Variants in DOCK10 observed in about 807,000 individuals in gnomAD.
The protein encoded by DOCK10 is dedicator of cytokinesis 10, also known as dedicator of cytokinesis protein 10.
A neutral mutation model predicts 280.1 loss-of-function variants in DOCK10; 145 were observed. The observed-to-expected ratio is 0.52, with a 90% CI of 0.45 to 0.59. The LOEUF (loss-of-function observed/expected upper bound fraction) is 0.59. Among genes scored for constraint, DOCK10 ranks in the 20% least tolerant of loss-of-function variants. The probability of loss-of-function intolerance (pLI) is 0.00; values close to 1 mark genes in which losing one functional copy is unlikely to be tolerated. For synonymous variants in DOCK10, 915 were observed against 942.2 expected, an observed-to-expected ratio of 0.97 and a Z score of 0.53; for missense variants, 2,368 against 2,651.7, an observed-to-expected ratio of 0.89 and a Z score of 2.35.
intron 3 of DOCK10, among the ~76,000 whole-genome samples, chr2:224,901,369 G>T (rs1575024040): frequency 6.6e-6 from 1 of 152,310 alleles, no homozygotes; most frequent in East Asian, 1.9e-4. Flanking sequence ...ACTGGAGGCT[G>T]CCACAGTCAG....
chr2:224,797,076 C>T lies in DOCK10; in HGVS notation c.4715G>A (p.Cys1572Tyr). 1.9e-6 allele frequency: 3 copies of T among 1,613,640 alleles called. No individual in the cohort carries two copies. Among genetic ancestry groups the T allele is most frequent in the East Asian group, 2.2e-5 (1 of 44,876 alleles). Reference sequence around the variant, plus strand: ...CTGAGTTGACCGTGACCTGTGGTTACAGCATTTTAGGACTTCGTAACAGAA... The same window carrying T: ...CTGAGTTGACCGTGACCTGTGGTTATAGCATTTTAGGACTTCGTAACAGAA... ...GSFCYEVLKC[C>Y]NHRSRSTQTE... Residue 1572 changes from cysteine (C) to tyrosine (Y), a missense_variant, in exon 43 of 56, where the codon TGT (cysteine) becomes TAT (tyrosine). Cys to Tyr is a radical substitution (Grantham distance 194). This residue lies in a region of DOCK10 where 1,159 missense variants were observed against 1,400.8 expected (regional missense o/e 0.83). Coordinates refer to ENST00000258390, the MANE Select transcript of DOCK10 (RefSeq NM_014689.3).
At chr2:224,806,432 T>C (rs945842272) in intron 33 of DOCK10, among the ~76,000 whole-genome samples, 195 bp from the exon 34 acceptor site, 1 of 152,186 alleles carries the variant, frequency 6.6e-6, no homozygotes, top group African/African-American at 2.4e-5. Flanking sequence ...TAATTTGATT[T>C]ATGTGACTTT....
At chr2:224,839,386 C>T (rs536649905) in intron 24 of DOCK10, among the ~76,000 whole-genome samples, 2 of 151,790 alleles carry the variant, frequency 1.3e-5, no homozygotes, top group African/African-American at 2.4e-5. Context: ...GGATGACAGG[C>T]GTGAGCCACC....
chr2:224,848,315 C>G (rs1696498235), intron 19 of DOCK10, among the ~76,000 whole-genome samples: 1 of 152,360 alleles, frequency 6.6e-6, no homozygotes, highest in South Asian at 2.1e-4. Flanking sequence ...TTGTGAATCT[C>G]AGGCATCCCA....
intron 1 of DOCK10, among the ~76,000 whole-genome samples, chr2:225,001,627 A>G (rs1175227941): frequency 6.6e-6 from 1 of 152,180 alleles, no homozygotes; most frequent in Non-Finnish European, 1.5e-5. Flanking sequence ...TTTATTTGCA[A>G]TACTGTGGAA....
chr2:224,848,610 G>A (rs1696521210), intron 19 of DOCK10, among the ~76,000 whole-genome samples: 1 of 152,176 alleles, frequency 6.6e-6, no homozygotes, highest in South Asian at 2.1e-4. Context: ...TAATAATAGT[G>A]CCAACTTCTT....
chr2:224,911,903 T>C (rs987452977), intron 3 of DOCK10, among the ~76,000 whole-genome samples: 15 of 152,192 alleles, frequency 9.9e-5, no homozygotes, highest in Non-Finnish European at 1.9e-4. Flanking sequence ...TTGACTTCTA[T>C]GACAGAAAGA....
chr2:224,874,174 A>C, intron 10 of DOCK10, 23 bp from the exon 11 acceptor site: 2 of 1,579,142 alleles, frequency 1.3e-6, no homozygotes, highest in Non-Finnish European at 1.7e-6. Flanking sequence ...TGAATGAGTC[A>C]CCAAACATCC....
intron 7 of DOCK10, 130 bp downstream of exon 7, chr2:224,885,541 G>C (rs745985545): frequency 1.1e-6 from 1 of 905,792 alleles, no homozygotes; most frequent in Non-Finnish European, 1.5e-6. Context: ...GATCCAGGCT[G>C]CCTTGTTTTT....
At chr2:224,840,410 A>G (rs975124736) in intron 23 of DOCK10, among the ~76,000 whole-genome samples, 3 of 152,234 alleles carry the variant, frequency 2.0e-5, no homozygotes, top group Admixed American at 6.5e-5. Flanking sequence ...AAACAACTCA[A>G]TAGTAAGAAA....
intron 4 of DOCK10, among the ~76,000 whole-genome samples, chr2:224,889,771 A>G (rs926751422): frequency 3.3e-5 from 5 of 152,210 alleles, no homozygotes; most frequent in African/African-American, 1.2e-4. Context: ...ATACCATCTA[A>G]CATGCTCTGA....
At chr2:224,957,930 T>G (rs562128457) in intron 1 of DOCK10, among the ~76,000 whole-genome samples, 1 of 152,120 alleles carries the variant, frequency 6.6e-6, no homozygotes, top group African/African-American at 2.4e-5. Flanking sequence ...GCCCAAGGAA[T>G]TGGGGATGAG....
At chr2:224,967,290 C>T (rs1704823088) in intron 1 of DOCK10, among the ~76,000 whole-genome samples, 1 of 152,098 alleles carries the variant, frequency 6.6e-6, no homozygotes, top group Non-Finnish European at 1.5e-5. Context: ...CCGTGTTAGT[C>T]AGGATGGTCT....
chr2:224,918,589 AGT>A (rs1559758554), intron 2 of DOCK10, among the ~76,000 whole-genome samples: 2 of 135,652 alleles, frequency 1.5e-5, no homozygotes, highest in African/African-American at 2.8e-5. Flanking sequence ...ATGTGGTATG[AGT>A]GTGTGTGGTG....
chr2:225,001,289 C>CTTT (rs141808105), intron 1 of DOCK10, among the ~76,000 whole-genome samples: 2,405 of 128,172 alleles, frequency 0.019, 118 homozygotes, highest in East Asian at 0.078. Context: ...TACAACAGAC[C>CTTT]TTTTTTTTTT....
intron 30 of DOCK10, among the ~76,000 whole-genome samples, chr2:224,816,134 T>C (rs1694121515): frequency 6.6e-6 from 1 of 151,604 alleles, no homozygotes; most frequent in African/African-American, 2.4e-5. Context: ...TAAATAATTT[T>C]ATTATTTTAT....
At position 224,773,147 on chromosome 2, in the gene DOCK10, G is replaced by T. The variant is rs191786216; in HGVS notation, c.6204+10C>A. 34 of 1,601,526 alleles carry T rather than the reference G, an allele frequency of 2.1e-5. No homozygotes were observed. Among genetic ancestry groups the T allele is most frequent in the Non-Finnish European group, 2.9e-5 (34 of 1,170,962 alleles). ...CATGTGCATCTCAGCCCTGGGCAAT[G>T]CTTACTCACCTTCACGCTGACACTT... On this transcript the variant is annotated intron_variant, in intron 53 of 55. Coordinates refer to ENST00000258390, the MANE Select transcript of DOCK10 (RefSeq NM_014689.3).
chr2:224,794,128 T>A (rs1347094541), intron 45 of DOCK10, among the ~76,000 whole-genome samples: 3 of 152,264 alleles, frequency 2.0e-5, no homozygotes, highest in Non-Finnish European at 2.9e-5. Context: ...CAAGGGCTTC[T>A]CATTCTTGTC....
chr2:224,947,939 G>GTTAAATATATGTTTAATAAA (rs1703520889), intron 1 of DOCK10, among the ~76,000 whole-genome samples: 1 of 152,100 alleles, frequency 6.6e-6, no homozygotes, highest in Admixed American at 6.6e-5. Flanking sequence ...GAATAAATTA[G>GTTAAATATATGTTTAATAAA]GGATTTACAT....
Sources: gnomAD v4.1 joint callset for allele counts (sites outside exome capture counted in the v4.1 genomes callset) on GRCh38, gnomAD v4.1.1 for gene constraint, gnomAD v4.1.1 regional missense constraint, MANE v1.5 for transcripts, NCBI Gene and HGNC (gene_info 2026-07-23, HGNC 2026-07-21) for gene names.